Variants in PDHX observed in about 807,000 individuals in gnomAD.
PDHX encodes pyruvate dehydrogenase protein X component, mitochondrial.
In PDHX, 33 loss-of-function variants were observed where a neutral mutation model predicts 55.3. That is an observed-to-expected ratio of 0.60 (90% CI 0.45 to 0.80). The LOEUF is 0.80. Among genes scored for constraint, PDHX ranks in the 30% least tolerant of loss-of-function variants. The probability of loss-of-function intolerance (pLI) is 0.00; values close to 1 mark genes in which losing one functional copy is unlikely to be tolerated. For synonymous variants in PDHX, 226 were observed against 219.4 expected, an observed-to-expected ratio of 1.03 and a Z score of -0.27; for missense variants, 622 against 619.9, an observed-to-expected ratio of 1.00 and a Z score of -0.04.
At chr11:34,965,462 C>T (rs991988551) in intron 5 of PDHX, among the ~76,000 whole-genome samples, 1 of 152,206 alleles carries the variant, frequency 6.6e-6, no homozygotes, top group African/African-American at 2.4e-5. Context: ...CCTGATATAT[C>T]TGCCCTCTCC....
chr11:34,975,568 C>A (rs1246602484), intron 7 of PDHX, among the ~76,000 whole-genome samples: 1 of 152,086 alleles, frequency 6.6e-6, no homozygotes, highest in Non-Finnish European at 1.5e-5. Context: ...CTCTGGATTT[C>A]CAATTGAATG....
chr11:34,981,291 GT>G (rs1352858178), intron 8 of PDHX, among the ~76,000 whole-genome samples: 3 of 151,996 alleles, frequency 2.0e-5, no homozygotes, highest in Admixed American at 6.6e-5. Flanking sequence ...GAGAATGATG[GT>G]TTCCAGCTTC....
chr11:34,990,891 T>G (rs1855742161), intron 9 of PDHX, among the ~76,000 whole-genome samples: 1 of 152,216 alleles, frequency 6.6e-6, no homozygotes. Flanking sequence ...CAACTGTGAT[T>G]GTAATAGTGC....
intron 1 of PDHX, among the ~76,000 whole-genome samples, chr11:34,926,552 T>C (rs537540238): frequency 6.6e-6 from 1 of 152,290 alleles, no homozygotes; most frequent in South Asian, 2.1e-4. Flanking sequence ...CTGTACCATA[T>C]GTAAACTGCT....
intron 2 of PDHX, among the ~76,000 whole-genome samples, chr11:34,943,373 G>A (rs1854537854): frequency 6.6e-6 from 1 of 152,100 alleles, no homozygotes; most frequent in Non-Finnish European, 1.5e-5. Context: ...AAGTGTGGTT[G>A]GAATTTGAAT....
chr11:34,916,984 A>G lies in PDHX; in HGVS notation c.160+169A>G, dbSNP rs534552572. ...CCGACTTGGCCTAATGCATGCTGTGAAGGGCTTTCTTGGCAGCTGAGAGAA... is the reference window on the plus strand; with the variant it reads ...CCGACTTGGCCTAATGCATGCTGTGGAGGGCTTTCTTGGCAGCTGAGAGAA... On this transcript the variant is annotated intron_variant, in intron 1 of 10. Transcript: ENST00000227868. Among the ~76,000 whole-genome samples, 27 of 152,136 alleles carry G rather than the reference A, an allele frequency of 1.8e-4. No homozygotes were observed. In the East Asian group the frequency reaches 4.8e-3, roughly 27 times the overall value.
chr11:34,919,392 C>T (rs893132777), intron 1 of PDHX, among the ~76,000 whole-genome samples: 6 of 152,194 alleles, frequency 3.9e-5, no homozygotes, highest in African/African-American at 1.4e-4. Flanking sequence ...ATTTATTGAA[C>T]TGTTTCGTCT....
rs1254119164 is a variant in PDHX at position 34,995,557 on chromosome 11, A to T, written c.*385A>T. 7.2e-6 allele frequency: 2 copies of T among 278,826 alleles called. No individual in the cohort carries two copies. Among genetic ancestry groups the T allele is most frequent in the African/African-American group, 4.5e-5 (2 of 44,212 alleles). The allele number at this position is 278,826 out of a possible 1,614,324, so 17.3% of individuals were successfully genotyped here. A position where few individuals can be genotyped will look rare whatever the true frequency, so the allele number is the denominator to read the frequency against. On this transcript the variant is annotated 3_prime_UTR_variant, in exon 11 of 11. Coordinates refer to ENST00000227868, the MANE Select transcript of PDHX (RefSeq NM_003477.3). ...AAACTATTAGAACTGTACCATAATT[A>T]TGTTGAAGGTAGAAGTGATCTTCAA... is the stretch of plus-strand genomic sequence containing the variant.
At chr11:34,933,229 A>G (rs1227455033) in intron 2 of PDHX, among the ~76,000 whole-genome samples, 1 of 152,194 alleles carries the variant, frequency 6.6e-6, no homozygotes, top group East Asian at 1.9e-4. Flanking sequence ...TTGAAACGAG[A>G]CAGGTGATTC....
chr11:34,971,661 T>C (rs1431463897), intron 7 of PDHX, among the ~76,000 whole-genome samples: 1 of 152,196 alleles, frequency 6.6e-6, no homozygotes, highest in Non-Finnish European at 1.5e-5. Context: ...TTCTCATATA[T>C]TGTTTGATTC....
At chr11:34,921,204 A>G (rs2133937078) in intron 1 of PDHX, among the ~76,000 whole-genome samples, 1 of 152,278 alleles carries the variant, frequency 6.6e-6, no homozygotes, top group East Asian at 1.9e-4. Context: ...CCATGGGGAA[A>G]CCATAATTAT....
intron 5 of PDHX, among the ~76,000 whole-genome samples, chr11:34,965,030 T>C (rs1046049445): frequency 1.3e-5 from 2 of 152,218 alleles, no homozygotes; most frequent in Non-Finnish European, 1.5e-5. Flanking sequence ...TATTCTATTA[T>C]TGCATAACAA....
At chr11:34,967,482 C>T (rs2133981535) in intron 6 of PDHX, among the ~76,000 whole-genome samples, 1 of 152,250 alleles carries the variant, frequency 6.6e-6, no homozygotes, top group African/African-American at 2.4e-5. Flanking sequence ...CACTAGCTCC[C>T]TTTTGTGGAT....
chr11:34,984,360 G>C (rs895342506), intron 8 of PDHX, among the ~76,000 whole-genome samples: 2 of 152,070 alleles, frequency 1.3e-5, no homozygotes, highest in East Asian at 3.8e-4. Flanking sequence ...CTTCAAACTT[G>C]CTTCAAAAAG....
Position 34,984,620 on chromosome 11 carries a change from G to A in PDHX, c.1074G>A (p.Leu358=), listed in dbSNP as rs752140130. 1 of 1,613,920 alleles carries A rather than the reference G, an allele frequency of 6.2e-7. No individual in the cohort carries two copies. Among genetic ancestry groups the A allele is most frequent in the Admixed American group, 1.7e-5 (1 of 60,010 alleles). The change falls in exon 9 of 11, where the codon CTG becomes CTA. Residue 358 remains leucine, a synonymous_variant. Coordinates refer to ENST00000227868, the MANE Select transcript of PDHX (RefSeq NM_003477.3). ...GGGATGGAGAGGGCCCAAAGCAACTGCCATTTATTGACATTTCAGTGGCTG... is the reference window on the plus strand; with the variant it reads ...GGGATGGAGAGGGCCCAAAGCAACTACCATTTATTGACATTTCAGTGGCTG... ...VSWDGEGPKQ[L]PFIDISVAVA...
At position 34,929,748 on chromosome 11, in the gene PDHX, T is replaced by C. The variant is rs532100516; in HGVS notation, c.161-1656T>C. Among the ~76,000 whole-genome samples, 15 of 152,376 alleles carry C rather than the reference T, an allele frequency of 9.8e-5. No individual in the cohort carries two copies. In the East Asian group the frequency reaches 2.9e-3, roughly 29 times the overall value. Reference sequence around the variant, plus strand: ...CTGTAATCAGTCTGGATTGTGGTTTTCTCATTGATGAAATGGGCGTGTTTG... The same window carrying C: ...CTGTAATCAGTCTGGATTGTGGTTTCCTCATTGATGAAATGGGCGTGTTTG... On this transcript the variant is annotated intron_variant, in intron 1 of 10. Coordinates refer to ENST00000227868, the MANE Select transcript of PDHX (RefSeq NM_003477.3).
intron 2 of PDHX, among the ~76,000 whole-genome samples, chr11:34,941,162 G>A (rs1854467043): frequency 2.6e-5 from 4 of 152,122 alleles, no homozygotes; most frequent in Admixed American, 2.0e-4. Context: ...CACCCCATAG[G>A]GCAGGACCTC....
intron 7 of PDHX, among the ~76,000 whole-genome samples, chr11:34,976,306 A>G (rs1284369942): frequency 6.6e-6 from 1 of 152,158 alleles, no homozygotes; most frequent in East Asian, 1.9e-4. Flanking sequence ...CAATGTGTAA[A>G]TGAGAATGTT....
intron 7 of PDHX, among the ~76,000 whole-genome samples, chr11:34,977,585 A>G (rs939305617): frequency 6.6e-6 from 1 of 152,064 alleles, no homozygotes. Context: ...TTTCACCTAC[A>G]CCCCATTAGT....
Sources: gnomAD v4.1 joint callset for allele counts (sites outside exome capture counted in the v4.1 genomes callset) on GRCh38, gnomAD v4.1.1 for gene constraint, MANE v1.5 for transcripts, NCBI Gene and HGNC (gene_info 2026-07-23, HGNC 2026-07-21) for gene names.